The following ENGASE variants were observed in gnomAD, a reference collection of about 807,000 sequenced individuals.
ENGASE encodes the protein cytosolic endo-beta-N-acetylglucosaminidase.
A neutral mutation model predicts 78.5 loss-of-function variants in ENGASE; 69 were observed. The ratio of observed to expected loss-of-function variants is 0.88; its 90% CI spans 0.72 to 1.07. The LOEUF is 1.07. Among genes scored for constraint, ENGASE ranks in the 50% least tolerant of loss-of-function variants. The pLI, the probability that ENGASE is intolerant of heterozygous loss-of-function variation, is 0.00. For synonymous variants in ENGASE, 408 were observed against 408.9 expected (o/e 1.00, Z 0.03); for missense variants, 943 against 988.4 (o/e 0.95, Z 0.62).
At chr17:79,082,205 A>G (rs764615478) in intron 7 of ENGASE, 142 bp downstream of exon 7, 1 of 1,562,460 alleles carries the variant, frequency 6.4e-7, no homozygotes, top group South Asian at 1.2e-5. Context: ...CGTGGCACTG[A>G]GAAACAGGTG....
At position 79,079,601 on chromosome 17, in the gene ENGASE, A is replaced by T. The variant is rs371083441; in HGVS notation, c.529A>T (p.Thr177Ser). The stretch of plus-strand genomic sequence containing the variant: ...CGTCACCATTCCCCCAGTGGGCTGG[A>T]CCAACACTGCCCACAGGCATGGGGT... ...HTVTIPPVGW[T>S]NTAHRHGVCV... The change falls in exon 4 of 14, where the codon ACC (threonine) becomes TCC (serine). Residue 177 changes from threonine to serine, a missense_variant. Coordinates refer to ENST00000579016, the MANE Select transcript of ENGASE (RefSeq NM_001042573.3). The T allele has an allele frequency of 1.5e-5, 25 of 1,613,810 alleles. No homozygotes were observed. Among genetic ancestry groups the T allele is most frequent in the Middle Eastern group, 1.6e-4 (1 of 6,080 alleles).
rs60634179 is a variant in ENGASE at position 79,082,616 on chromosome 17, G to C, written c.1039-404G>C. On this transcript the variant is annotated intron_variant, in intron 7 of 13. Transcript: ENST00000579016. The stretch of plus-strand genomic sequence containing the variant: ...TGCCTCTGGTCTATCAGTCCTGCCC[G>C]TTCCCAGAGCCCCAGGGATGTTCTC... 18,583 of 1,283,982 alleles carry C rather than the reference G, an allele frequency of 0.014. 1,952 individuals are homozygous for C. The African/African-American group carries it at 0.24, about 16-fold the overall frequency. The allele number at this position is 1,283,982 out of a possible 1,614,324, so 79.5% of individuals were successfully genotyped here.
chr17:79,079,665 C>T, intron 4 of ENGASE, 28 bp downstream of exon 4: 1 of 1,603,616 alleles, frequency 6.2e-7, no homozygotes, highest in Admixed American at 1.7e-5. Flanking sequence ...ACCTCTGTGT[C>T]AGCCAGACTC....
In ENGASE at chr17:79,085,995, C is replaced by T. The variant is rs368609447; in HGVS notation, c.1878C>T (p.His626=). Residue 626 remains histidine, a synonymous_variant, in exon 14 of 14, where the codon CAC becomes CAT. Coordinates refer to ENST00000579016, the MANE Select transcript of ENGASE (RefSeq NM_001042573.3). Reference sequence around the variant, plus strand: ...AGGTGCAGGCCGTCACCATCTCTCACATCCGCTGGCAGCCATCCGCCTCTG... The same window carrying T: ...AGGTGCAGGCCGTCACCATCTCTCATATCCGCTGGCAGCCATCCGCCTCTG... ...LPQVQAVTIS[H]IRWQPSASER... is the part of the protein sequence containing the mutation. 1 of 1,610,450 alleles carries T rather than the reference C, an allele frequency of 6.2e-7. No homozygotes were observed. Among genetic ancestry groups the T allele is most frequent in the African/African-American group, 1.3e-5 (1 of 74,946 alleles).
intron 3 of ENGASE, 32 bp from the exon 4 acceptor site, chr17:79,079,457 C>T (rs1196483994): frequency 4.4e-6 from 7 of 1,600,244 alleles, no homozygotes; most frequent in African/African-American, 1.4e-5. Context: ...CATGAGCTGC[C>T]GTGGCCAGCC....
intron 6 of ENGASE, 128 bp from the exon 7 acceptor site, chr17:79,081,770 G>A: frequency 8.5e-7 from 1 of 1,171,060 alleles, no homozygotes; most frequent in South Asian, 1.6e-5. Context: ...GTGGGGTGGG[G>A]TGGGGTGGGG....
chr17:79,085,126 G>A, intron 11 of ENGASE, 108 bp from the exon 12 acceptor site: 1 of 857,326 alleles, frequency 1.2e-6, no homozygotes, highest in Non-Finnish European at 2.0e-6. Context: ...CGAGCGTCTG[G>A]CCGAATCAGG....
Position 79,087,214 on chromosome 17 carries a change from C to G in ENGASE, c.*865C>G. On this transcript the variant is annotated 3_prime_UTR_variant, in exon 14 of 14. Coordinates refer to ENST00000579016, the MANE Select transcript of ENGASE (RefSeq NM_001042573.3). ...TCCAGGCAGGAAGCAGCACCTGCCC[C>G]CCGCGCCAGCCCAGCCCCAGCCTGA... The G allele has an allele frequency of 2.8e-6, 1 of 363,414 alleles. No individual in the cohort carries two copies. The highest frequency in any genetic ancestry group is 2.0e-5 in the South Asian group (1 of 50,366). The allele number at this position is 363,414 out of a possible 1,614,324, so 22.5% of individuals were successfully genotyped here. A position where few individuals can be genotyped will look rare whatever the true frequency, so the allele number is the denominator to read the frequency against.
Position 79,085,729 on chromosome 17 carries a change from A to C in ENGASE, c.1810A>C (p.Ile604Leu), listed in dbSNP as rs373454725. The C allele has an allele frequency of 1.9e-6, 3 of 1,613,154 alleles. No homozygotes were observed. The highest frequency in any genetic ancestry group is 2.5e-6 in the Non-Finnish European group (3 of 1,179,838). The part of the protein sequence containing the change: ...EESFTCRLGE[I>L]QVVDAASLLA... ...GAGCTTCACCTGTCGGCTTGGAGAG[A>C]TCCAGGTGATGCTTCCCAGAGGGGC... The change falls in exon 13 of 14, where the codon ATC (isoleucine) becomes CTC (leucine). Residue 604 changes from isoleucine (I) to leucine (L), a missense_variant. Transcript: ENST00000579016.
chr17:79,080,223 G>A lies in ENGASE; in HGVS notation c.582G>A (p.Glu194=). ...GVCVLGTFIT[E]WNEGGRLCEA... ...TCCTCACAGGGACTTTCATCACGGAGTGGAATGAAGGGGGAAGGCTCTGTG... is the reference window on the plus strand; with the variant it reads ...TCCTCACAGGGACTTTCATCACGGAATGGAATGAAGGGGGAAGGCTCTGTG... The change falls in exon 5 of 14, where the codon GAG becomes GAA. Residue 194 remains glutamate, a synonymous_variant. Transcript: ENST00000579016. 1.9e-6 allele frequency: 3 copies of A among 1,603,880 alleles called. No homozygotes were observed. The highest frequency in any genetic ancestry group is 2.2e-5 in the East Asian group (1 of 44,526).
chr17:79,083,689 C>T lies in ENGASE; in HGVS notation c.1252-72C>T. On this transcript the variant is annotated intron_variant, in intron 9 of 13. Transcript: ENST00000579016. This position sits in a 1 kb window ranked among gnomAD's most constrained non-coding sequence, Gnocchi z 4.9. ...CAGCAGGCACGGTGGTGGTCTTACCCTTCCCTGCCGCTCCGGGCACCCCTG... is the reference window on the plus strand; with the variant it reads ...CAGCAGGCACGGTGGTGGTCTTACCTTTCCCTGCCGCTCCGGGCACCCCTG... 1 of 1,568,920 alleles carries T rather than the reference C, an allele frequency of 6.4e-7. No homozygotes were observed. Among genetic ancestry groups the T allele is most frequent in the East Asian group, 2.2e-5 (1 of 44,474 alleles).
chr17:79,088,174 T>A lies in ENGASE; in HGVS notation c.*1825T>A, dbSNP rs2073387548. 1 of 152,202 alleles carries A rather than the reference T, an allele frequency of 6.6e-6. No homozygotes were observed. 9.4% of individuals were successfully genotyped at this position (152,202 alleles called of 1,614,324 possible). ...CATGTAGCCACTCACTCGACTTTTT[T>A]TCAGCTGTGACCATTCCCGGGAGCT... On this transcript the variant is annotated 3_prime_UTR_variant, in exon 14 of 14. Coordinates refer to ENST00000579016, the MANE Select transcript of ENGASE (RefSeq NM_001042573.3).
Position 79,083,408 on chromosome 17 carries a change from C to G in ENGASE, c.1143-74C>G. ...GTGCAGGAGAGCCTCGAGTTTCCACCAGCAAGTTTGAGGGACACTGAGAGG... is the reference window on the plus strand; with the variant it reads ...GTGCAGGAGAGCCTCGAGTTTCCACGAGCAAGTTTGAGGGACACTGAGAGG... On this transcript the variant is annotated intron_variant, in intron 8 of 13. Coordinates refer to ENST00000579016, the MANE Select transcript of ENGASE (RefSeq NM_001042573.3). The surrounding 1 kb of genome is among the most constrained non-coding windows in gnomAD (Gnocchi z 4.9). 7.5e-6 allele frequency: 9 copies of G among 1,200,160 alleles called. No homozygotes were observed. The Admixed American group carries it at 1.5e-4, about 20-fold the overall frequency. 74.3% of individuals were successfully genotyped at this position (1,200,160 alleles called of 1,614,324 possible).
Position 79,083,053 on chromosome 17 carries a change from G to A in ENGASE, c.1072G>A (p.Val358Met), listed in dbSNP as rs540137073. Residue 358 changes from valine (V) to methionine (M), a missense_variant, in exon 8 of 14, where the codon GTG (valine) becomes ATG (methionine). Physicochemically the swap from Val to Met is conservative, Grantham distance 21. Coordinates refer to ENST00000579016, the MANE Select transcript of ENGASE (RefSeq NM_001042573.3). This position sits in a 1 kb window ranked among gnomAD's most constrained non-coding sequence, Gnocchi z 4.9. ...LELIRKHGFS[V>M]ALFAPGWVYE... The stretch of plus-strand genomic sequence containing the variant: ...GCTGATCCGAAAGCATGGCTTCTCC[G>A]TGGCTTTGTTTGCCCCCGGCTGGGT... 1.2e-5 allele frequency: 19 copies of A among 1,614,092 alleles called. No homozygotes were observed. The highest frequency in any genetic ancestry group is 2.2e-5 in the South Asian group (2 of 91,074).
In ENGASE at chr17:79,083,466, C is replaced by G. The variant is rs1307560363; in HGVS notation, c.1143-16C>G. 1 of 1,604,150 alleles carries G rather than the reference C, an allele frequency of 6.2e-7. No homozygotes were observed. On this transcript the variant is annotated splice_polypyrimidine_tract_variant and intron_variant, in intron 8 of 13. Coordinates refer to ENST00000579016, the MANE Select transcript of ENGASE (RefSeq NM_001042573.3). The surrounding 1 kb of genome is among the most constrained non-coding windows in gnomAD (Gnocchi z 4.9). ...CCTTCCTCCGGACCGAGCTGTTGCC[C>G]CCATGTCTCTGGCAGGTTCTGGGGC...
rs2073077385 is a variant in ENGASE, at chr17:79,079,764, T to G, written c.565+127T>G. The stretch of plus-strand genomic sequence containing the variant: ...CCAGAGCCCCTCGCTGGGGGCCGCC[T>G]TGGTCGGCTAGGACAGGCAGCTGCA... On this transcript the variant is annotated intron_variant, in intron 4 of 13. Transcript: ENST00000579016. 3.9e-6 allele frequency: 5 copies of G among 1,273,208 alleles called. No homozygotes were observed. In the African/African-American group the frequency reaches 7.6e-5, roughly 19 times the overall value. 78.9% of individuals were successfully genotyped at this position (1,273,208 alleles called of 1,614,324 possible).
Position 79,086,628 on chromosome 17 carries a change from T to G in ENGASE, c.*279T>G. 2 of 536,732 alleles carry G rather than the reference T, an allele frequency of 3.7e-6. No homozygotes were observed. Among genetic ancestry groups the G allele is most frequent in the South Asian group, 4.6e-5 (2 of 43,764 alleles). The allele number at this position is 536,732 out of a possible 1,614,324, so 33.2% of individuals were successfully genotyped here. Reference sequence around the variant, plus strand: ...CTCCCCACGGTACCTGGTTCCCAGGTGAAAATGAAAGGAGGGGAGAAGTTG... The same window carrying G: ...CTCCCCACGGTACCTGGTTCCCAGGGGAAAATGAAAGGAGGGGAGAAGTTG... On this transcript the variant is annotated 3_prime_UTR_variant, in exon 14 of 14. Coordinates refer to ENST00000579016, the MANE Select transcript of ENGASE (RefSeq NM_001042573.3).
chr17:79,081,746 CTGTGTGG>C (rs1460663118), intron 6 of ENGASE, 145 bp from the exon 7 acceptor site: 29 of 627,034 alleles, frequency 4.6e-5, no homozygotes, highest in Non-Finnish European at 6.2e-5. Flanking sequence ...AAGGCTGAGG[CTGTGTGG>C]GGTGGGGTGG....
chr17:79,083,864 A>G lies in ENGASE; in HGVS notation c.1355A>G (p.His452Arg), dbSNP rs2073216778. The G allele has an allele frequency of 1.9e-6, 3 of 1,612,650 alleles. No individual in the cohort carries two copies. The highest frequency in any genetic ancestry group is 2.5e-6 in the Non-Finnish European group (3 of 1,179,816). ...GATGGCCGGGGCTGGGTGAGGACGC[A>G]CTGCTGCCTGGAGGATGCCTGGCAC... ...GGDGRGWVRT[H>R]CCLEDAWHGG... The change falls in exon 10 of 14, where the codon CAC (histidine) becomes CGC (arginine). Residue 452 changes from histidine to arginine, a missense_variant. By Grantham distance (29) the His-to-Arg change is conservative. Transcript: ENST00000579016. This position sits in a 1 kb window ranked among gnomAD's most constrained non-coding sequence, Gnocchi z 4.9.
Sources: gnomAD v4.1 joint callset for allele counts on GRCh38, gnomAD v4.1.1 for gene constraint, Gnocchi (gnomAD v3.1) non-coding constraint, MANE v1.5 for transcripts, NCBI Gene and HGNC (gene_info 2026-07-23, HGNC 2026-07-21) for gene names.